Variants in NCOR1 observed in about 807,000 individuals in gnomAD.
The protein encoded by NCOR1 is protein phosphatase 1, regulatory subunit 109.
A neutral mutation model predicts 288.1 loss-of-function variants in NCOR1; 63 were observed. That is an observed-to-expected ratio of 0.22 (90% CI 0.18 to 0.27). The LOEUF is 0.27. NCOR1 is among the 10% of genes least tolerant of loss of function. The pLI is 1.00. For missense variants in NCOR1, 2,397 were observed against 3,019.2 expected (o/e 0.79, Z 4.83); for synonymous variants, 1,007 against 1,065.9 (o/e 0.94, Z 1.08).
At chr17:16,105,810 G>C (rs1435948541) in intron 19 of NCOR1, among the ~76,000 whole-genome samples, 2 of 152,092 alleles carry the variant, frequency 1.3e-5, no homozygotes, top group Non-Finnish European at 2.9e-5. Flanking sequence ...TTAATATATG[G>C]CAGCCATGGC....
intron 45 of NCOR1, among the ~76,000 whole-genome samples, chr17:16,033,296 T>C (rs1018445918): frequency 3.5e-5 from 5 of 143,576 alleles, no homozygotes; most frequent in African/African-American, 8.2e-5. Context: ...GATAGCACCA[T>C]TGCACTCCAG....
chr17:16,071,270 A>G (rs995221601), intron 30 of NCOR1, 139 bp downstream of exon 30: 2 of 1,320,380 alleles, frequency 1.5e-6, no homozygotes, highest in African/African-American at 3.0e-5. Context: ...CAGAGGAAAA[A>G]AAAAAAAGGT....
In NCOR1 at chr17:16,064,903, G is replaced by A. The variant is rs771731495; in HGVS notation, c.5068C>T (p.Pro1690Ser). 6.2e-7 allele frequency: 1 copy of A among 1,613,514 alleles called. No homozygotes were observed. Among genetic ancestry groups the A allele is most frequent in the South Asian group, 1.1e-5 (1 of 91,016 alleles). ...YIPGTQITFP[P>S]RPYNSASMSP... ...ATGGAAGCAGAGTTGTACGGCCTGG[G>A]AGGGAAAGTAATCTGTGTACCAGGA... Residue 1690 changes from proline (P) to serine (S), a missense_variant, in exon 34 of 46, where the codon CCC becomes TCC. Around this residue, in one of 11 missense-constraint regions of NCOR1, gnomAD observed 1,872 missense variants for 2,187.8 expected, o/e 0.86. Transcript: ENST00000268712.
intron 35 of NCOR1, among the ~76,000 whole-genome samples, chr17:16,063,303 C>T (rs1186377459): frequency 2.6e-5 from 4 of 152,216 alleles, no homozygotes; most frequent in Middle Eastern, 3.4e-3. Flanking sequence ...CTTCATCCTC[C>T]TGAGTAGCTA....
chr17:16,210,067 C>T (rs1326409393), intron 1 of NCOR1, among the ~76,000 whole-genome samples: 1 of 151,602 alleles, frequency 6.6e-6, no homozygotes, highest in Non-Finnish European at 1.5e-5. Context: ...AAACAAGCAA[C>T]AGCTAATTTT....
At chr17:16,134,746 A>G (rs1048699670) in intron 14 of NCOR1, among the ~76,000 whole-genome samples, 3 of 152,250 alleles carry the variant, frequency 2.0e-5, no homozygotes, top group South Asian at 2.1e-4. Flanking sequence ...GGTACACTGT[A>G]TAAGTATCAC....
intron 22 of NCOR1, among the ~76,000 whole-genome samples, chr17:16,088,253 A>G (rs2064567072): frequency 6.6e-6 from 1 of 152,166 alleles, no homozygotes; most frequent in African/African-American, 2.4e-5. Context: ...ACAGGTGATG[A>G]TATTTTATAA....
At chr17:16,118,147 A>C in intron 17 of NCOR1, 120 bp from the exon 18 acceptor site, 1 of 967,032 alleles carries the variant, frequency 1.0e-6, no homozygotes, top group Non-Finnish European at 1.5e-6. Context: ...GTGTGCTTTC[A>C]ATTACTTATC....
chr17:16,109,578 A>G (rs1294418953), intron 18 of NCOR1, among the ~76,000 whole-genome samples: 1 of 152,236 alleles, frequency 6.6e-6, no homozygotes, highest in Non-Finnish European at 1.5e-5. Context: ...ATGTTGACAT[A>G]TAATTAAAAT....
In NCOR1 at chr17:16,032,483, C is replaced by A. The variant is rs1972225341; in HGVS notation, c.7136G>T (p.Gly2379Val). The change falls in exon 46 of 46, where the codon GGC becomes GTC. Residue 2379 changes from glycine (G) to valine (V), a missense_variant and splice_region_variant. This residue lies in a region of NCOR1 where 1,872 missense variants were observed against 2,187.8 expected (regional missense o/e 0.86). Coordinates refer to ENST00000268712, the MANE Select transcript of NCOR1 (RefSeq NM_006311.4). ...WAWEDRPSST[G>V]STQFPYNPLT... Reference sequence around the variant, plus strand: ...AGGGTTATAAGGAAACTGAGTTGAGCCTGACAAAAGAAAAATTAGGTTTTC... The same window carrying A: ...AGGGTTATAAGGAAACTGAGTTGAGACTGACAAAAGAAAAATTAGGTTTTC... 4 of 1,560,126 alleles carry A rather than the reference C, an allele frequency of 2.6e-6. No homozygotes were observed. The highest frequency in any genetic ancestry group is 2.1e-5 in the Admixed American group (1 of 47,652).
chr17:16,199,799 T>G (rs917159371), intron 1 of NCOR1, among the ~76,000 whole-genome samples: 8 of 152,324 alleles, frequency 5.3e-5, no homozygotes, highest in Non-Finnish European at 1.2e-4. Flanking sequence ...TATAAGCAAC[T>G]TCCTCATCTC....
chr17:16,119,857 T>C (rs2072614986), intron 16 of NCOR1, among the ~76,000 whole-genome samples: 1 of 152,106 alleles, frequency 6.6e-6, no homozygotes, highest in Non-Finnish European at 1.5e-5. Flanking sequence ...CACAATTCCC[T>C]CTCCTCTCCT....
At chr17:16,124,974 CAT>C (rs1482643415) in intron 15 of NCOR1, among the ~76,000 whole-genome samples, 2 of 152,216 alleles carry the variant, frequency 1.3e-5, no homozygotes, top group Non-Finnish European at 2.9e-5. Flanking sequence ...AATAATAACT[CAT>C]GACTTGCAAA....
chr17:16,158,644 G>A (rs2080216112), intron 6 of NCOR1, 116 bp downstream of exon 6: 1 of 565,756 alleles, frequency 1.8e-6, no homozygotes. Flanking sequence ...ATTCAAAATT[G>A]TAAGAGAAAT....
chr17:16,206,211 A>C (rs2091481737), intron 1 of NCOR1, among the ~76,000 whole-genome samples: 1 of 151,744 alleles, frequency 6.6e-6, no homozygotes, highest in Non-Finnish European at 1.5e-5. Context: ...TGATTCAGCA[A>C]CTCCACTTCT....
chr17:16,139,185 T>C lies in NCOR1; in HGVS notation c.1175A>G (p.Asn392Ser). Residue 392 changes from asparagine (N) to serine (S), a missense_variant and splice_region_variant, in exon 12 of 46, where the codon AAT (asparagine) becomes AGT (serine). Asn to Ser is a conservative substitution (Grantham distance 46, BLOSUM62 1). This residue lies in a region of NCOR1 where 51 missense variants were observed against 127.6 expected (regional missense o/e 0.40). Transcript: ENST00000268712. ...GAGCTGCCGCATTTGTTTCTCATTA[T>C]TCTGGAAAAAAAATACAATTTACTT... Reference protein sequence around the residue: ...EIIDGLSEQENNEKQMRQLSV... With the variant: ...EIIDGLSEQESNEKQMRQLSV... The C allele has an allele frequency of 2.5e-6, 4 of 1,607,896 alleles. No individual in the cohort carries two copies. Among genetic ancestry groups the C allele is most frequent in the Non-Finnish European group, 3.4e-6 (4 of 1,178,046 alleles).
rs370109773 is a variant in NCOR1 at position 16,118,663 on chromosome 17, CA to C, written c.1916-637del. On this transcript the variant is annotated intron_variant, in intron 17 of 45. Coordinates refer to ENST00000268712, the MANE Select transcript of NCOR1 (RefSeq NM_006311.4). ...TTGTATACATATATAAGGGGTGATA[CA>C]AAAAAATATGAAATGTGTCACTCAA... Among the ~76,000 whole-genome samples, 35 of 152,020 alleles carry C rather than the reference CA, an allele frequency of 2.3e-4. No homozygotes were observed. The East Asian group carries it at 6.0e-3, about 26-fold the overall frequency.
intron 32 of NCOR1, 49 bp downstream of exon 32, chr17:16,067,845 C>CTGG: frequency 6.6e-7 from 1 of 1,508,962 alleles, no homozygotes. Context: ...AAAAGTCATA[C>CTGG]TGGTGGCATA....
chr17:16,106,571 T>C (rs2068679317), intron 19 of NCOR1, among the ~76,000 whole-genome samples: 1 of 152,212 alleles, frequency 6.6e-6, no homozygotes, highest in South Asian at 2.1e-4. Flanking sequence ...GGAAAACAGA[T>C]AGAGGAACCC....
Sources: gnomAD v4.1 joint callset for allele counts (sites outside exome capture counted in the v4.1 genomes callset) on GRCh38, gnomAD v4.1.1 for gene constraint, gnomAD v4.1.1 regional missense constraint, MANE v1.5 for transcripts, NCBI Gene and HGNC (gene_info 2026-07-23, HGNC 2026-07-21) for gene names.